Variants in DCUN1D1 observed in about 807,000 individuals in gnomAD.
The protein encoded by DCUN1D1 is DCN1-like protein 1.
In DCUN1D1, 3 loss-of-function variants were observed where a neutral mutation model predicts 39.0. The observed-to-expected ratio is 0.08, with a 90% CI of 0.04 to 0.20. The LOEUF (loss-of-function observed/expected upper bound fraction) is 0.20, where lower values mean the gene tolerates loss of function less well. Among genes scored for constraint, DCUN1D1 ranks in the 10% least tolerant of loss-of-function variants. The pLI, the probability that DCUN1D1 is intolerant of heterozygous loss-of-function variation, is 1.00. For missense variants in DCUN1D1, 158 were observed against 302.4 expected (o/e 0.52, Z 3.54); for synonymous variants, 82 against 96.3 (o/e 0.85, Z 0.87).
At chr3:182,985,673 T>C (rs1474977097) in intron 1 of DCUN1D1, 1 of 151,988 alleles carries the variant, frequency 6.6e-6, no homozygotes, top group Non-Finnish European at 1.5e-5. Context: ...TAAGAACCAT[T>C]ATAAAAGGGA....
chr3:182,984,148 A>T (rs1728651647), upstream of DCUN1D1, among the ~76,000 whole-genome samples: 1 of 152,198 alleles, frequency 6.6e-6, no homozygotes, highest in Non-Finnish European at 1.5e-5. Context: ...GACAGTGCCT[A>T]TATTGTTTGT....
At chr3:182,949,957 CA>C (rs909791396) in intron 4 of DCUN1D1, among the ~76,000 whole-genome samples, 45 of 152,160 alleles carry the variant, frequency 3.0e-4, no homozygotes, top group Admixed American at 5.9e-4. Flanking sequence ...CATCTTCCTT[CA>C]AACTCAACAG....
At chr3:182,957,763 C>G (rs1189787949) in intron 4 of DCUN1D1, among the ~76,000 whole-genome samples, 2 of 151,246 alleles carry the variant, frequency 1.3e-5, no homozygotes, top group Non-Finnish European at 2.9e-5. Flanking sequence ...CCGCAAGTCT[C>G]CAGCTCCACA....
rs1170725557 is a variant in DCUN1D1 at position 182,943,512 on chromosome 3, A to T, written c.*1582T>A. The T allele has an allele frequency of 1.3e-5, 2 of 152,518 alleles. No homozygotes were observed. The highest frequency in any genetic ancestry group is 2.9e-5 in the Non-Finnish European group (2 of 68,006). The allele number at this position is 152,518 out of a possible 1,614,324, so 9.4% of individuals were successfully genotyped here. A position where few individuals can be genotyped will look rare whatever the true frequency, so the allele number is the denominator to read the frequency against. ...CAAAATCATGTAAAAAGCAGTTTTG[A>T]TATGTCATTGTTTCTTAAAATAATT... On this transcript the variant is annotated 3_prime_UTR_variant, in exon 7 of 7. Coordinates refer to ENST00000292782, the MANE Select transcript of DCUN1D1 (RefSeq NM_020640.4).
intron 1 of DCUN1D1, 26 bp downstream of exon 1, chr3:182,980,458 AGGG>A (rs1728486083): frequency 8.8e-7 from 1 of 1,142,202 alleles, no homozygotes; most frequent in Non-Finnish European, 1.1e-6. Context: ...CCCAGCCGGC[AGGG>A]CGGGCGGGCG....
At chr3:182,966,049 G>A (rs929385116) in intron 1 of DCUN1D1, among the ~76,000 whole-genome samples, 7 of 152,042 alleles carry the variant, frequency 4.6e-5, no homozygotes, top group African/African-American at 1.7e-4. Flanking sequence ...CTGCAGAAGG[G>A]AAGCCGCGCT....
chr3:182,974,531 G>A (rs550593394), intron 1 of DCUN1D1, among the ~76,000 whole-genome samples: 4 of 149,128 alleles, frequency 2.7e-5, no homozygotes, highest in South Asian at 4.2e-4. Context: ...AAAATTCCAC[G>A]GTTAAGTTCT....
intron 1 of DCUN1D1, among the ~76,000 whole-genome samples, chr3:182,975,419 G>C (rs760497029): frequency 6.6e-6 from 1 of 151,518 alleles, no homozygotes; most frequent in Non-Finnish European, 1.5e-5. Flanking sequence ...CTTGTGATCC[G>C]CCCGCCTCAG....
At chr3:182,949,878 A>T (rs1726619827) in intron 4 of DCUN1D1, among the ~76,000 whole-genome samples, 1 of 152,240 alleles carries the variant, frequency 6.6e-6, no homozygotes, top group African/African-American at 2.4e-5. Flanking sequence ...AGGCATTCAG[A>T]AACTGCTAAG....
chr3:182,953,206 G>A (rs911642547), intron 4 of DCUN1D1, among the ~76,000 whole-genome samples: 1 of 152,080 alleles, frequency 6.6e-6, no homozygotes, highest in African/African-American at 2.4e-5. Context: ...ACAGACTAAA[G>A]ATGCTCTTGA....
chr3:182,947,489 T>C lies in DCUN1D1; in HGVS notation c.603+61A>G, dbSNP rs1033941754. 8.5e-6 allele frequency: 10 copies of C among 1,179,954 alleles called. No individual in the cohort carries two copies. In the African/African-American group the frequency reaches 1.4e-4, roughly 16 times the overall value. 73.1% of individuals were successfully genotyped at this position (1,179,954 alleles called of 1,614,324 possible). On this transcript the variant is annotated intron_variant, in intron 5 of 6. Coordinates refer to ENST00000292782, the MANE Select transcript of DCUN1D1 (RefSeq NM_020640.4). ...TCTATATCCAATACATTATGTTAAT[T>C]TATCTTTAAACATAGCAGAATTTGA...
chr3:182,951,679 G>T (rs2108630636), intron 4 of DCUN1D1, among the ~76,000 whole-genome samples: 1 of 130,478 alleles, frequency 7.7e-6, no homozygotes. Context: ...AGTTCAGGTT[G>T]TAAAAGAAGA....
intron 1 of DCUN1D1, among the ~76,000 whole-genome samples, chr3:182,974,142 C>T (rs917001264): frequency 6.6e-6 from 1 of 152,078 alleles, no homozygotes; most frequent in Non-Finnish European, 1.5e-5. Flanking sequence ...ATCCCAGCTA[C>T]TCAGGAGGCT....
chr3:182,947,664 A>ATGC, intron 4 of DCUN1D1, 32 bp from the exon 5 acceptor site: 1 of 1,220,802 alleles, frequency 8.2e-7, no homozygotes, highest in Non-Finnish European at 1.2e-6. Context: ...ATGTATTTAA[A>ATGC]TGCTATAAAT....
intron 1 of DCUN1D1, among the ~76,000 whole-genome samples, chr3:182,973,454 A>G (rs1368559630): frequency 6.6e-6 from 1 of 152,230 alleles, no homozygotes; most frequent in East Asian, 1.9e-4. Context: ...TCCAGTAGGA[A>G]TGATATACAT....
Position 182,951,924 on chromosome 3 carries a change from G to A in DCUN1D1, c.521-4292C>T, listed in dbSNP as rs183950156. 1.6e-3 allele frequency among the ~76,000 whole-genome samples: 247 copies of A among 152,120 alleles called. 1 individual carries two copies. Among genetic ancestry groups the A allele is most frequent in the African/African-American group, 5.9e-3 (244 of 41,518 alleles). ...TTGGTCAGTCTGGTCTCGAACTTCT[G>A]ACCTCAGGTGATCCGCCCACCTCGG... On this transcript the variant is annotated intron_variant, in intron 4 of 6. Coordinates refer to ENST00000292782, the MANE Select transcript of DCUN1D1 (RefSeq NM_020640.4).
At position 182,965,728 on chromosome 3, in the gene DCUN1D1, T is replaced by C; in HGVS notation, c.29A>G (p.Asp10Gly). 1 of 1,613,428 alleles carries C rather than the reference T, an allele frequency of 6.2e-7. No individual in the cohort carries two copies. The highest frequency in any genetic ancestry group is 8.5e-7 in the Non-Finnish European group (1 of 1,179,728). The change falls in exon 2 of 7, where the codon GAT becomes GGT. Residue 10 changes from aspartate to glycine, a missense_variant. Asp to Gly is a moderately conservative substitution (Grantham distance 94). Transcript: ENST00000292782. MNKLKSSQK[D>G]KVRQFMIFTQ... ...GAAGATCATAAACTGACGAACTTTA[T>C]CCTTCTGCGATGATTTCAACTTGTT...
At chr3:182,960,997 G>A (rs907796081) in intron 4 of DCUN1D1, among the ~76,000 whole-genome samples, 2 of 152,160 alleles carry the variant, frequency 1.3e-5, no homozygotes, top group African/African-American at 4.8e-5. Context: ...TATATTGACT[G>A]TAGTTTTCAT....
chr3:182,950,365 C>T (rs955006430), intron 4 of DCUN1D1, among the ~76,000 whole-genome samples: 6 of 152,016 alleles, frequency 3.9e-5, no homozygotes, highest in Admixed American at 3.3e-4. Flanking sequence ...CCAGGATGGT[C>T]TCTATCTCCT....
Sources: gnomAD v4.1 joint callset for allele counts (sites outside exome capture counted in the v4.1 genomes callset) on GRCh38, gnomAD v4.1.1 for gene constraint, MANE v1.5 for transcripts, NCBI Gene and HGNC (gene_info 2026-07-23, HGNC 2026-07-21) for gene names.